Variants in CFAP69 observed in about 807,000 individuals in gnomAD.
CFAP69 encodes cilia and flagella associated protein 69, also known as cilia- and flagella-associated protein 69.
A neutral mutation model predicts 123.0 loss-of-function variants in CFAP69; 92 were observed. That is an observed-to-expected ratio of 0.75 (90% CI 0.63 to 0.89). CFAP69 has a LOEUF of 0.89. CFAP69 is among the 40% of genes least tolerant of loss of function. The pLI is 0.00. For synonymous variants in CFAP69, 380 were observed against 364.3 expected (o/e 1.04, Z -0.49); for missense variants, 1,067 against 1,096.9 (o/e 0.97, Z 0.39).
intron 13 of CFAP69, 108 bp downstream of exon 13, chr7:90,283,164 T>C: frequency 1.3e-6 from 1 of 786,732 alleles, no homozygotes. Context: ...GACTGAGAAA[T>C]TCCTGAATAT....
intron 22 of CFAP69, among the ~76,000 whole-genome samples, chr7:90,309,829 C>T (rs1430723527): frequency 6.6e-6 from 1 of 152,120 alleles, no homozygotes; most frequent in East Asian, 1.9e-4. Context: ...CCAAGTGTTC[C>T]TGGTATCCTC....
chr7:90,286,255 A>G, intron 13 of CFAP69, 26 bp from the exon 14 acceptor site: 1 of 1,560,736 alleles, frequency 6.4e-7, no homozygotes, highest in Non-Finnish European at 8.7e-7. Flanking sequence ...CAATAACTAT[A>G]CAGTCTTTAA....
chr7:90,288,551 T>C (rs1456697212), intron 15 of CFAP69, among the ~76,000 whole-genome samples, 199 bp downstream of exon 15: 5 of 152,172 alleles, frequency 3.3e-5, no homozygotes, highest in African/African-American at 1.2e-4. Context: ...CTACAAACTG[T>C]ATGTCATATT....
intron 19 of CFAP69, among the ~76,000 whole-genome samples, chr7:90,306,422 C>T: frequency 6.6e-6 from 1 of 152,132 alleles, no homozygotes; most frequent in East Asian, 1.9e-4. Context: ...TATAATTTGC[C>T]TTAGCTAGAA....
At chr7:90,281,104 A>G (rs1789422709) in intron 12 of CFAP69, among the ~76,000 whole-genome samples, 1 of 152,226 alleles carries the variant, frequency 6.6e-6, no homozygotes, top group Admixed American at 6.5e-5. Flanking sequence ...CCTTCCAAGT[A>G]TTAAGTCATT....
chr7:90,289,053 A>G (rs1193609120), intron 15 of CFAP69, among the ~76,000 whole-genome samples: 1 of 151,854 alleles, frequency 6.6e-6, no homozygotes, highest in Non-Finnish European at 1.5e-5. Flanking sequence ...CATTGTTTTT[A>G]CTTGTTAAAC....
At chr7:90,296,663 C>T (rs369460387) in intron 15 of CFAP69, among the ~76,000 whole-genome samples, 16 of 152,016 alleles carry the variant, frequency 1.1e-4, no homozygotes, top group Admixed American at 5.9e-4. Flanking sequence ...AAAATGTGCC[C>T]GAGGTGGTTG....
In CFAP69 at chr7:90,264,104, A is replaced by AATATATAT. The variant is rs71104454; in HGVS notation, c.357-1158_357-1151dup. ...AGACTCCATCTCGAAAAAAAAAAAAAATATATATATATATATATATATATA... is the reference window on the plus strand; with the variant it reads ...AGACTCCATCTCGAAAAAAAAAAAAAATATATATATATATATATATATATATATATATA... On this transcript the variant is annotated intron_variant, in intron 4 of 22. Transcript: ENST00000389297. Among the ~76,000 whole-genome samples the AATATATAT allele has an allele frequency of 1.6e-4, 8 of 48,874 alleles. 1 individual carries two copies. Among genetic ancestry groups the AATATATAT allele is most frequent in the Admixed American group, 2.8e-4 (1 of 3,616 alleles). 32.1% of individuals were successfully genotyped at this position (48,874 alleles called of 152,430 possible).
At chr7:90,283,461 C>T (rs1789788683) in intron 13 of CFAP69, among the ~76,000 whole-genome samples, 1 of 152,082 alleles carries the variant, frequency 6.6e-6, no homozygotes, top group Non-Finnish European at 1.5e-5. Context: ...CAGAAATGTA[C>T]AGAGGAGTTT....
At chr7:90,299,710 G>A (rs1213692720) in intron 16 of CFAP69, among the ~76,000 whole-genome samples, 157 bp from the exon 17 acceptor site, 3 of 151,488 alleles carry the variant, frequency 2.0e-5, no homozygotes, top group Non-Finnish European at 4.4e-5. Flanking sequence ...TGAAAATATA[G>A]TCATTACAAT....
At chr7:90,274,604 G>T (rs957421088) in intron 9 of CFAP69, among the ~76,000 whole-genome samples, 2 of 152,146 alleles carry the variant, frequency 1.3e-5, no homozygotes, top group African/African-American at 4.8e-5. Flanking sequence ...GGAGTCTGTT[G>T]TTTCTGATGA....
At chr7:90,261,701 T>C (rs1485174729) in intron 3 of CFAP69, among the ~76,000 whole-genome samples, 1 of 152,190 alleles carries the variant, frequency 6.6e-6, no homozygotes, top group Non-Finnish European at 1.5e-5. Context: ...GGTAATCCAA[T>C]TCTAAAGTTG....
chr7:90,275,000 C>G (rs959290639), intron 9 of CFAP69, among the ~76,000 whole-genome samples: 1 of 152,108 alleles, frequency 6.6e-6, no homozygotes, highest in African/African-American at 2.4e-5. Context: ...TGAGGCTCTG[C>G]TCACTTTTTT....
chr7:90,276,953 T>C, intron 9 of CFAP69, 120 bp from the exon 10 acceptor site: 1 of 685,886 alleles, frequency 1.5e-6, no homozygotes, highest in Non-Finnish European at 2.3e-6. Flanking sequence ...GCTTTATGAA[T>C]TCAAATGAAT....
At position 90,288,165 on chromosome 7, in the gene CFAP69, G is replaced by A. The variant is rs184867622; in HGVS notation, c.1657-69G>A. 9.4e-5 allele frequency: 121 copies of A among 1,286,718 alleles called. No homozygotes were observed. The African/African-American group carries it at 1.3e-3, about 14-fold the overall frequency. 79.7% of individuals were successfully genotyped at this position (1,286,718 alleles called of 1,614,324 possible). On this transcript the variant is annotated intron_variant, in intron 14 of 22. Transcript: ENST00000389297. Reference sequence around the variant, plus strand: ...GGTAAAAAAGCAATATTAGGGGACCGATAAAGTAGGAAAGGGAGGAATTAT... The same window carrying A: ...GGTAAAAAAGCAATATTAGGGGACCAATAAAGTAGGAAAGGGAGGAATTAT...
chr7:90,322,914 T>C, the CFAP69 span, among the ~76,000 whole-genome samples: 1 of 152,108 alleles, frequency 6.6e-6, no homozygotes, highest in African/African-American at 2.4e-5. Context: ...TAATATTCAG[T>C]AAACATGAGA....
rs773767482 is a variant in CFAP69, at chr7:90,279,711, T to G, written c.1190T>G (p.Phe397Cys). 6.2e-7 allele frequency: 1 copy of G among 1,607,860 alleles called. No individual in the cohort carries two copies. Among genetic ancestry groups the G allele is most frequent in the African/African-American group, 1.3e-5 (1 of 74,728 alleles). ...LIDGKVILAL[F>C]TYVKKPEKQK... ...GATGGCAAAGTTATTTTGGCTTTGT[T>G]TACCTATGTTAAGAAGCCTGAGAAG... The change falls in exon 12 of 23, where the codon TTT (phenylalanine) becomes TGT (cysteine). Residue 397 changes from phenylalanine (F) to cysteine (C), a missense_variant. Transcript: ENST00000389297.
At chr7:90,289,427 A>C (rs972892266) in intron 15 of CFAP69, among the ~76,000 whole-genome samples, 4 of 151,730 alleles carry the variant, frequency 2.6e-5, no homozygotes, top group African/African-American at 9.7e-5. Flanking sequence ...CCATTTAAAT[A>C]GCCTTTTTTT....
intron 22 of CFAP69, 71 bp from the exon 23 acceptor site, chr7:90,309,997 G>A: frequency 7.9e-7 from 1 of 1,259,128 alleles, no homozygotes; most frequent in Non-Finnish European, 1.1e-6. Context: ...TAAGCTGAAG[G>A]ATGAATGAGT....
Sources: gnomAD v4.1 joint callset for allele counts (sites outside exome capture counted in the v4.1 genomes callset) on GRCh38, gnomAD v4.1.1 for gene constraint, MANE v1.5 for transcripts, NCBI Gene and HGNC (gene_info 2026-07-23, HGNC 2026-07-21) for gene names.